DAB2IP: variants seen among roughly 807,000 people sequenced by gnomAD.
DAB2IP encodes the protein disabled homolog 2-interacting protein.
In DAB2IP, 28 loss-of-function variants were observed where a neutral mutation model predicts 107.2. The observed-to-expected ratio is 0.26, with a 90% CI of 0.19 to 0.36. DAB2IP has a LOEUF of 0.36. Ranked by LOEUF, DAB2IP falls within the 10% of genes least tolerant of loss-of-function variation. DAB2IP has a pLI of 1.00. For synonymous variants in DAB2IP, 755 were observed against 706.4 expected (o/e 1.07, Z -1.09); for missense variants, 1,400 against 1,644.7 (o/e 0.85, Z 2.57).
At chr9:121,641,661 G>T (rs983164090) in intron 1 of DAB2IP, among the ~76,000 whole-genome samples, 2 of 152,124 alleles carry the variant, frequency 1.3e-5, no homozygotes, top group Non-Finnish European at 2.9e-5. Flanking sequence ...ACCCTGGCCT[G>T]CTGACCATCC....
intron 1 of DAB2IP, among the ~76,000 whole-genome samples, chr9:121,667,682 C>T (rs1833504907): frequency 6.7e-6 from 1 of 148,704 alleles, no homozygotes. Flanking sequence ...TTTTTTAATA[C>T]AGATGGAGTT....
chr9:121,761,736 G>A (rs1379442725), intron 6 of DAB2IP, among the ~76,000 whole-genome samples: 1 of 152,220 alleles, frequency 6.6e-6, no homozygotes, highest in Non-Finnish European at 1.5e-5. Context: ...TGGCTAGGCT[G>A]CACGTTGGGC....
chr9:121,578,751 TTTTTTTTG>T (rs1373527437), intron 1 of DAB2IP, among the ~76,000 whole-genome samples: 6 of 97,114 alleles, frequency 6.2e-5, no homozygotes, highest in East Asian at 3.8e-4. Context: ...TTTTTTTTTT[TTTTTTTTG>T]AGACGAAGTC....
At chr9:121,576,032 C>T (rs893676799) in intron 1 of DAB2IP, 1 of 152,496 alleles carries the variant, frequency 6.6e-6, no homozygotes, top group Admixed American at 6.5e-5. Context: ...AGAGATCCAC[C>T]CCGACTCTCC....
intron 12 of DAB2IP, among the ~76,000 whole-genome samples, 158 bp downstream of exon 12, chr9:121,773,653 C>G (rs1046027004): frequency 1.3e-5 from 2 of 152,190 alleles, no homozygotes; most frequent in African/African-American, 2.4e-5. Context: ...ACCCCCTCCC[C>G]CTGGCTTCTT....
At chr9:121,773,484 G>A in exon 12 of DAB2IP, 1 of 1,510,006 alleles carries the variant, frequency 6.6e-7, no homozygotes, top group Non-Finnish European at 8.8e-7. Context: ...GCCACGGGCA[G>A]TGCACAAGCA....
chr9:121,641,960 T>TTCTC (rs72270529), intron 1 of DAB2IP, among the ~76,000 whole-genome samples: 1 of 110,116 alleles, frequency 9.1e-6, no homozygotes, highest in Admixed American at 9.8e-5. Flanking sequence ...CTTTCTTTCT[T>TTCTC]TCTCTCTCTC....
rs1828751203 is a variant in DAB2IP, at chr9:121,684,409, C to T, written c.228+5628C>T. Among the ~76,000 whole-genome samples, 1 of 152,184 alleles carries T rather than the reference C, an allele frequency of 6.6e-6. No homozygotes were observed. The highest frequency in any genetic ancestry group is 2.1e-4 in the South Asian group (1 of 4,830). ...TCCTTCCTGTCCTCTCCTCCCAGCA[C>T]CTGGATATCAGCCACCCCGTCTGAG... is the stretch of plus-strand genomic sequence containing the variant. On this transcript the variant is annotated intron_variant, in intron 2 of 15. Transcript: ENST00000408936. The surrounding 1 kb of genome is among the most constrained non-coding windows in gnomAD (Gnocchi z 4.0).
chr9:121,691,586 T>C (rs1243045562), intron 2 of DAB2IP, among the ~76,000 whole-genome samples: 7 of 152,064 alleles, frequency 4.6e-5, no homozygotes, highest in Admixed American at 3.3e-4. Flanking sequence ...TTCGTATTTA[T>C]TGTATGCAGG....
chr9:121,744,058 C>G (rs1832543881), intron 3 of DAB2IP, among the ~76,000 whole-genome samples: 1 of 152,204 alleles, frequency 6.6e-6, no homozygotes, highest in African/African-American at 2.4e-5. Flanking sequence ...CCGTTGAGAA[C>G]TGGGAAATGC....
chr9:121,763,523 A>G (rs1171694194), exon 7 of DAB2IP: 2 of 1,613,532 alleles, frequency 1.2e-6, no homozygotes, highest in Non-Finnish European at 1.7e-6. Flanking sequence ...GACAGACCTG[A>G]TGATGTCAGA....
intron 3 of DAB2IP, among the ~76,000 whole-genome samples, chr9:121,721,951 T>C (rs549783792): frequency 3.7e-4 from 56 of 152,330 alleles, no homozygotes; most frequent in Admixed American, 6.5e-4. Flanking sequence ...TTGCATGCCC[T>C]GGACGTGCAG....
At chr9:121,690,991 C>G (rs1205778694) in intron 2 of DAB2IP, among the ~76,000 whole-genome samples, 1 of 152,212 alleles carries the variant, frequency 6.6e-6, no homozygotes, top group Non-Finnish European at 1.5e-5. Context: ...TCTCAGCAAG[C>G]CCACCTGCTG....
chr9:121,567,140 G>A lies in DAB2IP; in HGVS notation c.-49G>A, dbSNP rs749679985. 1.9e-6 allele frequency: 3 copies of A among 1,613,236 alleles called. No homozygotes were observed. The South Asian group carries it at 3.3e-5, about 18-fold the overall frequency. On this transcript the variant is annotated 5_prime_UTR_variant, in exon 1 of 17. Coordinates refer to the DAB2IP transcript ENST00000259371. ...AGGAACCCAGACGCTCATGGAGACA[G>A]CCTCGGTTCATAAATCAGGTGGGGC...
upstream of DAB2IP, among the ~76,000 whole-genome samples, chr9:121,648,463 G>T (rs1832618459): frequency 6.6e-6 from 1 of 152,060 alleles, no homozygotes; most frequent in Non-Finnish European, 1.5e-5. Context: ...GCGGGAGGTG[G>T]TCGCTTTTTG....
chr9:121,782,923 T>G lies in DAB2IP; in HGVS notation c.*425T>G. 3.9e-6 allele frequency: 4 copies of G among 1,021,438 alleles called. No homozygotes were observed. Among genetic ancestry groups the G allele is most frequent in the Non-Finnish European group, 4.7e-6 (4 of 851,978 alleles). The allele number at this position is 1,021,438 out of a possible 1,614,324, so 63.3% of individuals were successfully genotyped here. A position where few individuals can be genotyped will look rare whatever the true frequency, so the allele number is the denominator to read the frequency against. ...AGGGGCCTACACCTGTGGCTTCCCC[T>G]CGCCTCCTTGGGGGGCCCGGGACTC... is the stretch of plus-strand genomic sequence containing the variant. On this transcript the variant is annotated 3_prime_UTR_variant, in exon 16 of 16. Transcript: ENST00000408936. The surrounding 1 kb of genome is among the most constrained non-coding windows in gnomAD (Gnocchi z 6.1).
chr9:121,709,402 A>G (rs1489250292), intron 3 of DAB2IP, among the ~76,000 whole-genome samples: 1 of 152,202 alleles, frequency 6.6e-6, no homozygotes, highest in East Asian at 1.9e-4. Flanking sequence ...GTGGCCACTC[A>G]GGATGGGCCA....
intron 1 of DAB2IP, among the ~76,000 whole-genome samples, chr9:121,623,384 G>A (rs1186166606): frequency 6.6e-6 from 1 of 152,142 alleles, no homozygotes; most frequent in African/African-American, 2.4e-5. Context: ...TTTTGGTGGG[G>A]GGAATAGGGT....
At chr9:121,665,094 G>T (rs1571801) in intron 1 of DAB2IP, among the ~76,000 whole-genome samples, 32,230 of 152,218 alleles carry the variant, frequency 0.21, 3,776 homozygotes, top group Non-Finnish European at 0.26. Context: ...GTTTCAAAAT[G>T]ATATGGAAAA....
Sources: allele counts gnomAD v4.1 joint callset (sites outside exome capture counted in the v4.1 genomes callset), GRCh38; gene constraint gnomAD v4.1.1; non-coding constraint Gnocchi (gnomAD v3.1); transcripts MANE v1.5; gene names NCBI Gene and HGNC (gene_info 2026-07-23, HGNC 2026-07-21).